Variants in NFATC1 observed in about 807,000 individuals in gnomAD.
NFATC1 encodes the protein nuclear factor of activated T-cells, cytoplasmic 1.
NFATC1 carries 22 observed loss-of-function variants against 76.0 expected under a neutral mutation model. The observed-to-expected ratio is 0.29, with a 90% CI of 0.21 to 0.41. NFATC1 has a LOEUF of 0.41. NFATC1 is among the 10% of genes least tolerant of loss of function. The pLI, the probability that NFATC1 is intolerant of heterozygous loss-of-function variation, is 1.00. For missense variants in NFATC1, 1,357 were observed against 1,337.7 expected, an observed-to-expected ratio of 1.01 and a Z score of -0.23; for synonymous variants, 704 against 613.1, an observed-to-expected ratio of 1.15 and a Z score of -2.19.
At chr18:79,515,735 G>A (rs924617341) in intron 9 of NFATC1, 2 of 150,976 alleles carry the variant, frequency 1.3e-5, no homozygotes, top group African/African-American at 2.4e-5. Flanking sequence ...GAGGAAGCGG[G>A]ACCTACCGAG....
At chr18:79,487,957 T>C (rs2089560779) in intron 9 of NFATC1, among the ~76,000 whole-genome samples, 1 of 152,166 alleles carries the variant, frequency 6.6e-6, no homozygotes, top group African/African-American at 2.4e-5. Flanking sequence ...TGTATGACGT[T>C]TCCCAGGCCC....
intron 4 of NFATC1, 77 bp from the exon 5 acceptor site, chr18:79,450,877 G>C (rs2087441560): frequency 9.1e-6 from 14 of 1,533,138 alleles, no homozygotes. Flanking sequence ...ATGAGGGCCA[G>C]AGGGTCTGGG....
intron 1 of NFATC1, chr18:79,400,233 T>G: frequency 2.5e-6 from 3 of 1,180,766 alleles, no homozygotes; most frequent in Non-Finnish European, 3.1e-6. Flanking sequence ...AGCCGGTTGT[T>G]TATGTAAACC....
At position 79,467,910 on chromosome 18, in the gene NFATC1, A is replaced by G. The variant is rs1255789645; in HGVS notation, c.2092+328A>G. On this transcript the variant is annotated intron_variant, in intron 8 of 9. Coordinates refer to ENST00000427363, the MANE Select transcript of NFATC1 (RefSeq NM_001278669.2). ...AAAAACTGAGGGGGTCCTGGTGTGC[A>G]TTTGCACCCTAAAGCTGCTTACGGT... 6.9e-6 allele frequency: 8 copies of G among 1,151,330 alleles called. No individual in the cohort carries two copies. The South Asian group carries it at 1.7e-4, about 24-fold the overall frequency. The allele number at this position is 1,151,330 out of a possible 1,614,324, so 71.3% of individuals were successfully genotyped here. A position where few individuals can be genotyped will look rare whatever the true frequency, so the allele number is the denominator to read the frequency against.
intron 2 of NFATC1, among the ~76,000 whole-genome samples, chr18:79,426,220 T>C (rs2086323007): frequency 6.7e-6 from 1 of 149,598 alleles, no homozygotes; most frequent in Non-Finnish European, 1.5e-5. Context: ...CAGACAGTGA[T>C]CATTTCAGGA....
In NFATC1 at chr18:79,528,227, C is replaced by G. The variant is rs1348199158; in HGVS notation, c.*650C>G. Reference sequence around the variant, plus strand: ...CTTCCCTTGTCTGCGCGGTTGAAACCGTAGGCTTGTTCATAGTCGCATGCT... The same window carrying G: ...CTTCCCTTGTCTGCGCGGTTGAAACGGTAGGCTTGTTCATAGTCGCATGCT... On this transcript the variant is annotated 3_prime_UTR_variant, in exon 10 of 10. Transcript: ENST00000427363. 1.3e-5 allele frequency: 4 copies of G among 316,994 alleles called. No individual in the cohort carries two copies. The highest frequency in any genetic ancestry group is 2.3e-5 in the Non-Finnish European group (4 of 174,806). 19.6% of individuals were successfully genotyped at this position (316,994 alleles called of 1,614,324 possible).
intron 8 of NFATC1, among the ~76,000 whole-genome samples, chr18:79,484,010 T>C (rs1430398833): frequency 2.0e-5 from 3 of 150,720 alleles, no homozygotes; most frequent in Non-Finnish European, 3.0e-5. Flanking sequence ...TCCTGGGGTG[T>C]CACTCCAACG....
At chr18:79,424,335 A>G (rs751517806) in intron 2 of NFATC1, among the ~76,000 whole-genome samples, 7 of 152,178 alleles carry the variant, frequency 4.6e-5, no homozygotes, top group Non-Finnish European at 8.8e-5. Flanking sequence ...TTCTGCCGGC[A>G]CAGGTCAGGG....
At chr18:79,417,980 C>G (rs1600646333) in intron 2 of NFATC1, among the ~76,000 whole-genome samples, 1 of 151,916 alleles carries the variant, frequency 6.6e-6, no homozygotes, top group Non-Finnish European at 1.5e-5. Context: ...TGGGCTATGG[C>G]TGGGCCTGTC....
intron 2 of NFATC1, among the ~76,000 whole-genome samples, chr18:79,416,957 G>A (rs1216828578): frequency 1.3e-5 from 2 of 152,196 alleles, no homozygotes; most frequent in South Asian, 4.1e-4. Context: ...GGCTGGGCTG[G>A]CTCTGAAGGG....
intron 2 of NFATC1, chr18:79,421,887 G>A (rs55705322): frequency 0.11 from 17,255 of 152,368 alleles, 1,240 homozygotes; most frequent in South Asian, 0.16. Flanking sequence ...GGTCTTCTCC[G>A]ACCCCGAGGG....
Position 79,448,862 on chromosome 18 carries a change from C to T in NFATC1, c.1467C>T (p.His489=), listed in dbSNP as rs368496299. The T allele has an allele frequency of 7.6e-5, 122 of 1,613,708 alleles. No homozygotes were observed. The highest frequency in any genetic ancestry group is 3.3e-4 in the Middle Eastern group (2 of 6,082). The change falls in exon 4 of 10, where the codon CAC becomes CAT. Residue 489 remains histidine, a synonymous_variant. Transcript: ENST00000427363. ...GTADDRLLRP[H]AFYQVHRITG... ...CGGACGACCGCCTGCTGCGCCCGCA[C>T]GCCTTCTACCAGGTGCACCGCATCA... is the stretch of plus-strand genomic sequence containing the variant.
At chr18:79,493,649 CCCT>C in intron 9 of NFATC1, 1 of 151,568 alleles carries the variant, frequency 6.6e-6, no homozygotes, top group Non-Finnish European at 1.5e-5. Flanking sequence ...ACGAGAAGCT[CCCT>C]TCGTGGAAAG....
chr18:79,529,088 T>A lies in NFATC1; in HGVS notation c.*1511T>A, dbSNP rs536797506. The A allele has an allele frequency of 1.3e-5, 2 of 152,426 alleles. No individual in the cohort carries two copies. The highest frequency in any genetic ancestry group is 1.3e-4 in the Admixed American group (2 of 15,308). 9.4% of individuals were successfully genotyped at this position (152,426 alleles called of 1,614,324 possible). ...CCGTGCGCTCCGGCACAATCGCGTC[T>A]CTTGTGTCTCACTCACGGAAAGAAA... is the stretch of plus-strand genomic sequence containing the variant. On this transcript the variant is annotated 3_prime_UTR_variant, in exon 10 of 10. Coordinates refer to ENST00000427363, the MANE Select transcript of NFATC1 (RefSeq NM_001278669.2).
At chr18:79,484,856 A>G (rs1266766756) in intron 8 of NFATC1, among the ~76,000 whole-genome samples, 2 of 150,240 alleles carry the variant, frequency 1.3e-5, no homozygotes, top group African/African-American at 4.9e-5. Context: ...GCGGGGGGGG[A>G]AGAGGGCGGC....
At chr18:79,456,969 A>G (rs975139119) in intron 6 of NFATC1, among the ~76,000 whole-genome samples, 1 of 152,246 alleles carries the variant, frequency 6.6e-6, no homozygotes, top group Non-Finnish European at 1.5e-5. Context: ...CAGCATCGCA[A>G]TGACAACACC....
At position 79,471,140 on chromosome 18, in the gene NFATC1, G is replaced by A. The variant is rs1600841353; in HGVS notation, c.2092+3558G>A. ...TCTGTCACTGTTTTTGTGTAACTGC[G>A]CCTGAATTTAATCTCCCGGAAGGCG... is the stretch of plus-strand genomic sequence containing the variant. On this transcript the variant is annotated intron_variant, in intron 8 of 9. Transcript: ENST00000427363. Among the ~76,000 whole-genome samples, 5 of 152,320 alleles carry A rather than the reference G, an allele frequency of 3.3e-5. No individual in the cohort carries two copies. The South Asian group carries it at 8.3e-4, about 25-fold the overall frequency.
At chr18:79,498,738 A>G (rs1402765604) in intron 9 of NFATC1, among the ~76,000 whole-genome samples, 2 of 152,266 alleles carry the variant, frequency 1.3e-5, no homozygotes, top group African/African-American at 2.4e-5. Flanking sequence ...AACTGTTGAA[A>G]GTCAAAGGGA....
At chr18:79,486,121 C>T in intron 8 of NFATC1, 127 bp from the exon 9 acceptor site, 1 of 790,452 alleles carries the variant, frequency 1.3e-6, no homozygotes, top group Non-Finnish European at 2.1e-6. Flanking sequence ...GTGGGAGAAC[C>T]AGGCAGGAGA....
Sources: allele counts gnomAD v4.1 joint callset (sites outside exome capture counted in the v4.1 genomes callset), GRCh38; gene constraint gnomAD v4.1.1; transcripts MANE v1.5; gene names NCBI Gene and HGNC (gene_info 2026-07-23, HGNC 2026-07-21).